The following TASP1 variants were observed in gnomAD, a reference collection of about 807,000 sequenced individuals.
The protein encoded by TASP1 is taspase 1.
A neutral mutation model predicts 56.6 loss-of-function variants in TASP1; 16 were observed. The observed-to-expected ratio is 0.28, with a 90% CI of 0.19 to 0.43. TASP1 has a LOEUF of 0.43. Ranked by LOEUF, TASP1 falls within the 20% of genes least tolerant of loss-of-function variation. The probability of loss-of-function intolerance (pLI) is 1.00; values close to 1 mark genes in which losing one functional copy is unlikely to be tolerated. For synonymous variants in TASP1, 179 were observed against 184.2 expected (o/e 0.97, Z 0.23); for missense variants, 393 against 511.6 (o/e 0.77, Z 2.24).
At chr20:13,356,160 A>G in the TASP1 span, among the ~76,000 whole-genome samples, 1 of 152,230 alleles carries the variant, frequency 6.6e-6, no homozygotes, top group South Asian at 2.1e-4. Context: ...AAGCATCACA[A>G]TTCCATATCT....
At chr20:13,323,100 A>G in the TASP1 span, among the ~76,000 whole-genome samples, 1 of 152,126 alleles carries the variant, frequency 6.6e-6, no homozygotes, top group Non-Finnish European at 1.5e-5. Flanking sequence ...CGGAGGAAAA[A>G]TAGGAACTAA....
At chr20:13,256,829 G>C in the TASP1 span, among the ~76,000 whole-genome samples, 1 of 152,150 alleles carries the variant, frequency 6.6e-6, no homozygotes, top group South Asian at 2.1e-4. Flanking sequence ...CCACCCAGTG[G>C]GAAGCTTTGA....
the TASP1 span, among the ~76,000 whole-genome samples, chr20:13,129,068 G>T: frequency 6.6e-6 from 1 of 151,874 alleles, no homozygotes; most frequent in Non-Finnish European, 1.5e-5. Context: ...TAGAGATGGG[G>T]TCTCGCCAGA....
the TASP1 span, among the ~76,000 whole-genome samples, chr20:13,268,498 G>A: frequency 2.6e-5 from 4 of 152,086 alleles, no homozygotes; most frequent in Admixed American, 2.6e-4. Context: ...GATGTGCCAG[G>A]AGACGAAAAC....
chr20:13,627,732 T>C (rs1293521678), intron 2 of TASP1, among the ~76,000 whole-genome samples: 1 of 77,458 alleles, frequency 1.3e-5, no homozygotes, highest in Non-Finnish European at 2.2e-5. Flanking sequence ...AAACTTAGTC[T>C]TAAAAAAAAA....
intron 4 of TASP1, among the ~76,000 whole-genome samples, chr20:13,605,644 G>A (rs887376343): frequency 4.0e-5 from 6 of 151,706 alleles, no homozygotes; most frequent in Admixed American, 1.3e-4. Context: ...GCACCACTGC[G>A]CTCCAGCCTG....
the TASP1 span, among the ~76,000 whole-genome samples, chr20:13,265,166 C>G: frequency 2.0e-5 from 3 of 152,340 alleles, no homozygotes; most frequent in African/African-American, 7.2e-5. Flanking sequence ...ACAGCTCTGT[C>G]AGACCTGAGA....
the TASP1 span, among the ~76,000 whole-genome samples, chr20:13,293,382 A>C: frequency 6.6e-6 from 1 of 152,036 alleles, no homozygotes; most frequent in Non-Finnish European, 1.5e-5. Context: ...TTCTCTATAT[A>C]CTTAAGGATT....
the TASP1 span, among the ~76,000 whole-genome samples, chr20:13,381,744 GC>G: frequency 6.6e-6 from 1 of 152,148 alleles, no homozygotes; most frequent in Non-Finnish European, 1.5e-5. Context: ...CTTATAGTCT[GC>G]CTCTCCCTCA....
the TASP1 span, among the ~76,000 whole-genome samples, chr20:13,180,628 T>C: frequency 6.6e-6 from 1 of 152,126 alleles, no homozygotes; most frequent in African/African-American, 2.4e-5. Flanking sequence ...ATGTTAAAGA[T>C]GAGGAAGTAG....
chr20:13,149,369 C>A, the TASP1 span, among the ~76,000 whole-genome samples: 3 of 152,236 alleles, frequency 2.0e-5, no homozygotes, highest in Admixed American at 1.3e-4. Flanking sequence ...TTTTGCAAAT[C>A]ACTCTTCAAG....
intron 10 of TASP1, among the ~76,000 whole-genome samples, chr20:13,484,908 C>T (rs1421684097): frequency 6.6e-6 from 1 of 151,322 alleles, no homozygotes; most frequent in African/African-American, 2.4e-5. Context: ...CATGTTCTCA[C>T]TCATAAGTGG....
chr20:13,197,822 T>C, the TASP1 span, among the ~76,000 whole-genome samples: 1 of 152,238 alleles, frequency 6.6e-6, no homozygotes, highest in Non-Finnish European at 1.5e-5. Flanking sequence ...AATTCTACCC[T>C]GGCTAGCGAT....
chr20:13,449,339 C>T (rs2043530955), intron 11 of TASP1, among the ~76,000 whole-genome samples: 1 of 152,056 alleles, frequency 6.6e-6, no homozygotes, highest in South Asian at 2.1e-4. Flanking sequence ...GTTATTGTTG[C>T]TCATTGTGTT....
the TASP1 span, among the ~76,000 whole-genome samples, chr20:13,280,403 C>T: frequency 4.6e-5 from 6 of 129,172 alleles, no homozygotes; most frequent in Admixed American, 1.5e-4. Flanking sequence ...CCCCCCCCCC[C>T]AATACATTTC....
At chr20:13,418,489 G>C (rs2042335475) in intron 12 of TASP1, among the ~76,000 whole-genome samples, 1 of 152,166 alleles carries the variant, frequency 6.6e-6, no homozygotes, top group South Asian at 2.1e-4. Context: ...AGCCCATACT[G>C]ATCCAAACAA....
chr20:13,298,903 G>C, the TASP1 span: 1 of 1,600,182 alleles, frequency 6.2e-7, no homozygotes, highest in South Asian at 1.1e-5. Flanking sequence ...TGGGCCGGTT[G>C]TACACGCGGT....
chr20:13,445,529 A>T (rs1004291768), intron 11 of TASP1, among the ~76,000 whole-genome samples: 2 of 152,194 alleles, frequency 1.3e-5, no homozygotes, highest in African/African-American at 4.8e-5. Context: ...ATGAGTTGAG[A>T]CAGGTGAACT....
intron 2 of TASP1, among the ~76,000 whole-genome samples, chr20:13,626,787 C>T (rs1392120022): frequency 6.6e-6 from 1 of 152,116 alleles, no homozygotes; most frequent in Non-Finnish European, 1.5e-5. Context: ...CTTTCAGCAG[C>T]ATTTCCTAAA....
Sources: allele counts gnomAD v4.1 joint callset (sites outside exome capture counted in the v4.1 genomes callset), GRCh38; gene constraint gnomAD v4.1.1; transcripts MANE v1.5; gene names NCBI Gene and HGNC (gene_info 2026-07-23, HGNC 2026-07-21).